CDHR2: variants seen among roughly 807,000 people sequenced by gnomAD.
CDHR2 encodes the protein cadherin-related family member 2.
CDHR2 carries 104 observed loss-of-function variants against 138.6 expected under a neutral mutation model. That is an observed-to-expected ratio of 0.75 (90% CI 0.64 to 0.88). The LOEUF is 0.88. Among genes scored for constraint, CDHR2 ranks in the 40% least tolerant of loss-of-function variants. CDHR2 has a pLI of 0.00. For missense variants in CDHR2, 1,624 were observed against 1,727.6 expected, an observed-to-expected ratio of 0.94 and a Z score of 1.06; for synonymous variants, 755 against 742.8, an observed-to-expected ratio of 1.02 and a Z score of -0.27.
chr5:176,592,893 C>A lies in CDHR2; in HGVS notation c.3792+113C>A. ...TGACATGGGCAGTTCTGCTTCTCTGCACCAGGCCCCAGGAAGCCCTGTGGC... is the reference window on the plus strand; with the variant it reads ...TGACATGGGCAGTTCTGCTTCTCTGAACCAGGCCCCAGGAAGCCCTGTGGC... On this transcript the variant is annotated intron_variant, in intron 31 of 31. Coordinates refer to ENST00000261944, the MANE Select transcript of CDHR2 (RefSeq NM_017675.6). 2.2e-6 allele frequency: 2 copies of A among 906,510 alleles called. 1 individual carries two copies. Among genetic ancestry groups the A allele is most frequent in the South Asian group, 2.7e-5 (2 of 73,144 alleles). The allele number at this position is 906,510 out of a possible 1,614,324, so 56.2% of individuals were successfully genotyped here.
chr5:176,564,999 G>A (rs1758047982), intron 1 of CDHR2, among the ~76,000 whole-genome samples: 1 of 152,122 alleles, frequency 6.6e-6, no homozygotes, highest in Non-Finnish European at 1.5e-5. Flanking sequence ...GACTCCCCGT[G>A]GCCTCAGGCA....
In CDHR2 at chr5:176,584,957, G is replaced by T; in HGVS notation, c.2676G>T (p.Leu892=). 1 of 1,571,036 alleles carries T rather than the reference G, an allele frequency of 6.4e-7. No homozygotes were observed. The highest frequency in any genetic ancestry group is 8.6e-7 in the Non-Finnish European group (1 of 1,157,588). Residue 892 remains leucine, a synonymous_variant, in exon 19 of 32, where the codon CTG becomes CTT. Coordinates refer to ENST00000261944, the MANE Select transcript of CDHR2 (RefSeq NM_017675.6). ...ACGAGGCCTGTGACCTGGTCACGCT[G>T]GTTGTGCGGGCCTGTGACCTAGCCA... The part of the protein sequence containing the change: ...IDYEACDLVT[L]VVRACDLATD...
At chr5:176,580,188 G>A (rs1284391737) in intron 16 of CDHR2, among the ~76,000 whole-genome samples, 2 of 134,626 alleles carry the variant, frequency 1.5e-5, no homozygotes, top group Non-Finnish European at 3.2e-5. Flanking sequence ...ACTCACACAC[G>A]CACTCACAGA....
Position 176,543,272 on chromosome 5 carries a change from GC to G in CDHR2, c.-16+504del, listed in dbSNP as rs1323040423. Among the ~76,000 whole-genome samples the G allele has an allele frequency of 6.8e-6, 1 of 146,472 alleles. No individual in the cohort carries two copies. Among genetic ancestry groups the G allele is most frequent in the African/African-American group, 2.5e-5 (1 of 40,756 alleles). On this transcript the variant is annotated intron_variant, in intron 1 of 31. Coordinates refer to the CDHR2 transcript ENST00000510636. The surrounding 1 kb of genome is among the most constrained non-coding windows in gnomAD (Gnocchi z 4.0). ...GGGCCCGGCGTTACCTGGGGCCGCG[GC>G]GGGGCTCCACCCCCACCCGGCGGCC...
Position 176,561,622 on chromosome 5 carries a change from G to A in CDHR2, c.-15-3716G>A, listed in dbSNP as rs926278991. Among the ~76,000 whole-genome samples the A allele has an allele frequency of 2.7e-5, 4 of 148,732 alleles. No homozygotes were observed. The East Asian group carries it at 8.0e-4, about 30-fold the overall frequency. On this transcript the variant is annotated intron_variant, in intron 1 of 31. Coordinates refer to ENST00000261944, the MANE Select transcript of CDHR2 (RefSeq NM_017675.6). ...CATTGAGGGCGTGTCTGGACAGAAG[G>A]GGATCCTGGAGTTGGGTTCTTTTTT...
At position 176,581,696 on chromosome 5, in the gene CDHR2, C is replaced by T. The variant is rs997807558; in HGVS notation, c.2058+114C>T. The T allele has an allele frequency of 6.7e-5, 92 of 1,383,226 alleles. 1 individual carries two copies. The highest frequency in any genetic ancestry group is 6.5e-4 in the African/African-American group (46 of 70,254). 85.7% of individuals were successfully genotyped at this position (1,383,226 alleles called of 1,614,324 possible). Reference sequence around the variant, plus strand: ...AGCCAGCCTGCCTGGGTTACAATCCCGCTCACTCGTATGGCCCCAGGCAAT... The same window carrying T: ...AGCCAGCCTGCCTGGGTTACAATCCTGCTCACTCGTATGGCCCCAGGCAAT... On this transcript the variant is annotated intron_variant, in intron 17 of 31. Coordinates refer to ENST00000261944, the MANE Select transcript of CDHR2 (RefSeq NM_017675.6).
intron 1 of CDHR2, among the ~76,000 whole-genome samples, chr5:176,556,072 A>C (rs1250917187): frequency 6.6e-6 from 1 of 152,196 alleles, no homozygotes; most frequent in Non-Finnish European, 1.5e-5. Flanking sequence ...CAACCCAGCC[A>C]CAGGGACCTT....
At chr5:176,578,692 C>A in intron 16 of CDHR2, 84 bp downstream of exon 16, 1 of 1,564,968 alleles carries the variant, frequency 6.4e-7, no homozygotes, top group South Asian at 1.2e-5. Context: ...TGGGTAAAGT[C>A]GGGGCTCCGC....
At chr5:176,573,486 AT>A in intron 6 of CDHR2, among the ~76,000 whole-genome samples, 1 of 91,728 alleles carries the variant, frequency 1.1e-5, no homozygotes, top group African/African-American at 3.7e-5. Flanking sequence ...TTAAAAATAT[AT>A]ATAAAAAAAA....
rs547382169 is a variant in CDHR2 at position 176,565,330 on chromosome 5, TC to T, written c.-15-5del. 1,548 of 1,610,898 alleles carry T rather than the reference TC, an allele frequency of 9.6e-4. 16 individuals carry two copies. In the African/African-American group the frequency reaches 0.019, roughly 19 times the overall value. ...GTCCAGGAGCCATTCCCTGACCTCT[TC>T]CCTTAGGTCCCTGCGGATGTGATGG... On this transcript the variant is annotated splice_region_variant and splice_polypyrimidine_tract_variant and intron_variant, in intron 1 of 31. Coordinates refer to ENST00000261944, the MANE Select transcript of CDHR2 (RefSeq NM_017675.6).
chr5:176,593,611 G>C (rs577250632), intron 31 of CDHR2, among the ~76,000 whole-genome samples: 58 of 152,334 alleles, frequency 3.8e-4, no homozygotes, highest in African/African-American at 1.2e-3. Context: ...CATTGGAGCT[G>C]TGATAGGCTG....
chr5:176,554,947 C>T (rs554676012), intron 1 of CDHR2, among the ~76,000 whole-genome samples: 1 of 152,188 alleles, frequency 6.6e-6, no homozygotes, highest in African/African-American at 2.4e-5. Context: ...AGCCACCACA[C>T]CCAGCCTCGA....
At chr5:176,578,234 C>T (rs1202269874) in intron 15 of CDHR2, 131 bp from the exon 16 acceptor site, 4 of 1,225,600 alleles carry the variant, frequency 3.3e-6, no homozygotes, top group Non-Finnish European at 4.6e-6. Context: ...CAAGGAATGA[C>T]TTTTTGAAAT....
chr5:176,576,278 G>A lies in CDHR2; in HGVS notation c.1194+93G>A, dbSNP rs1186472947. On this transcript the variant is annotated intron_variant, in intron 12 of 31. Coordinates refer to ENST00000261944, the MANE Select transcript of CDHR2 (RefSeq NM_017675.6). The surrounding 1 kb of genome is among the most constrained non-coding windows in gnomAD (Gnocchi z 4.5). ...ACGGTGTCATGTGGTGCTGGGTGGC[G>A]GTGCTGGTGGTGCAGGGTGTGATGG... The A allele has an allele frequency of 6.2e-6, 6 of 971,822 alleles. No individual in the cohort carries two copies. The highest frequency in any genetic ancestry group is 2.1e-5 in the Admixed American group (1 of 47,534). 60.2% of individuals were successfully genotyped at this position (971,822 alleles called of 1,614,324 possible). A position where few individuals can be genotyped will look rare whatever the true frequency, so the allele number is the denominator to read the frequency against.
intron 30 of CDHR2, 146 bp downstream of exon 30, chr5:176,591,630 GTGA>G (rs1272201192): frequency 1.1e-5 from 7 of 615,334 alleles, no homozygotes; most frequent in South Asian, 3.5e-5. Context: ...GGTGGTGGTG[GTGA>G]TGGTAGTGAG....
In CDHR2 at chr5:176,590,167, G is replaced by A. The variant is rs188321856; in HGVS notation, c.3275+21G>A. The A allele has an allele frequency of 5.8e-4, 934 of 1,612,942 alleles. 4 individuals carry two copies. In the African/African-American group the frequency reaches 0.011, roughly 19 times the overall value. ...GCTCGGTGAGTGCCCAGAGGCCTGG[G>A]GGTGGGGTTGAGGGGGAGAAGCGGT... is the stretch of plus-strand genomic sequence containing the variant. On this transcript the variant is annotated intron_variant, in intron 25 of 31. Transcript: ENST00000261944.
chr5:176,594,217 G>C (rs989198614), intron 31 of CDHR2, among the ~76,000 whole-genome samples: 3 of 152,316 alleles, frequency 2.0e-5, no homozygotes, highest in Admixed American at 6.5e-5. Flanking sequence ...GGAGGGCAGG[G>C]GGTTGCTATA....
intron 7 of CDHR2, 38 bp downstream of exon 7, chr5:176,574,210 C>T: frequency 6.8e-7 from 1 of 1,465,664 alleles, no homozygotes; most frequent in African/African-American, 1.4e-5. Flanking sequence ...TTTGTGACCG[C>T]CAGGGGGCAG....
At chr5:176,557,962 T>A (rs1757879049) in intron 1 of CDHR2, among the ~76,000 whole-genome samples, 1 of 152,086 alleles carries the variant, frequency 6.6e-6, no homozygotes, top group Non-Finnish European at 1.5e-5. Context: ...CGCCTTGGCC[T>A]CCCAAAGTGC....
Sources: allele counts gnomAD v4.1 joint callset (sites outside exome capture counted in the v4.1 genomes callset), GRCh38; gene constraint gnomAD v4.1.1; non-coding constraint Gnocchi (gnomAD v3.1); transcripts MANE v1.5; gene names NCBI Gene and HGNC (gene_info 2026-07-23, HGNC 2026-07-21).